Variants in ZNF821 observed in about 807,000 individuals in gnomAD.
The protein encoded by ZNF821 is zinc finger protein 821.
In ZNF821, 16 loss-of-function variants were observed where a neutral mutation model predicts 44.3. The ratio of observed to expected loss-of-function variants is 0.36; its 90% CI spans 0.24 to 0.55. The LOEUF (loss-of-function observed/expected upper bound fraction) is 0.55, where lower values mean the gene tolerates loss of function less well. ZNF821 is among the 20% of genes least tolerant of loss of function. The pLI, the probability that ZNF821 is intolerant of heterozygous loss-of-function variation, is 0.86. For synonymous variants in ZNF821, 204 were observed against 197.6 expected (o/e 1.03, Z -0.27); for missense variants, 436 against 547.6 (o/e 0.80, Z 2.03).
chr16:71,889,694 AAAC>A (rs1159364935), upstream of ZNF821, among the ~76,000 whole-genome samples: 1 of 152,022 alleles, frequency 6.6e-6, no homozygotes, highest in African/African-American at 2.4e-5. Flanking sequence ...ACAAAAAACA[AAAC>A]AACAACAAAA....
At chr16:71,875,250 C>T (rs1178805509) in intron 3 of ZNF821, among the ~76,000 whole-genome samples, 2 of 152,148 alleles carry the variant, frequency 1.3e-5, no homozygotes, top group Non-Finnish European at 2.9e-5. Context: ...ATATTCTCCT[C>T]ACCTCCATGG....
chr16:71,884,128 G>A lies in ZNF821; in HGVS notation c.-361C>T, dbSNP rs967260461. On this transcript the variant is annotated 5_prime_UTR_variant, in exon 1 of 8. Coordinates refer to ENST00000425432, the MANE Select transcript of ZNF821 (RefSeq NM_001201552.2). ...GGACAAAGCCAACAGCAGACAGACA[G>A]ACGGAGGGGGAAAAAGATGGCGACG... 2.0e-5 allele frequency: 3 copies of A among 152,178 alleles called. No homozygotes were observed. Among genetic ancestry groups the A allele is most frequent in the African/African-American group, 7.2e-5 (3 of 41,424 alleles). 9.4% of individuals were successfully genotyped at this position (152,178 alleles called of 1,614,324 possible). A position where few individuals can be genotyped will look rare whatever the true frequency, so the allele number is the denominator to read the frequency against.
intron 3 of ZNF821, among the ~76,000 whole-genome samples, chr16:71,874,895 T>C (rs915915696): frequency 1.5e-4 from 23 of 152,248 alleles, no homozygotes; most frequent in Non-Finnish European, 2.9e-5. Context: ...CCATACGCAA[T>C]GAAAAGATGA....
intron 3 of ZNF821, among the ~76,000 whole-genome samples, chr16:71,876,029 T>C (rs1312298539): frequency 6.6e-6 from 1 of 152,174 alleles, no homozygotes; most frequent in African/African-American, 2.4e-5. Context: ...TCCCCTGGCC[T>C]TACTACAATC....
At chr16:71,872,410 G>A (rs778491157) in intron 3 of ZNF821, among the ~76,000 whole-genome samples, 1 of 151,856 alleles carries the variant, frequency 6.6e-6, no homozygotes, top group East Asian at 2.0e-4. Flanking sequence ...TCAGGAGATC[G>A]AGACCATCCT....
upstream of ZNF821, among the ~76,000 whole-genome samples, chr16:71,886,280 G>A (rs897081400): frequency 3.3e-5 from 5 of 152,144 alleles, no homozygotes. Flanking sequence ...GGCACCTATA[G>A]TCCCAGCTAC....
At chr16:71,861,321 T>C (rs1597121555) in intron 7 of ZNF821, among the ~76,000 whole-genome samples, 1 of 152,180 alleles carries the variant, frequency 6.6e-6, no homozygotes, top group South Asian at 2.1e-4. Flanking sequence ...CTCCTGGAGG[T>C]GGAGACCTCC....
At chr16:71,879,034 C>T (rs911238634) in intron 3 of ZNF821, among the ~76,000 whole-genome samples, 4 of 152,070 alleles carry the variant, frequency 2.6e-5, no homozygotes, top group African/African-American at 7.2e-5. Context: ...TCTTGTGATC[C>T]ATCCCACAAA....
intron 2 of ZNF821, 196 bp downstream of exon 2, chr16:71,883,015 C>A: frequency 2.3e-6 from 1 of 431,730 alleles, no homozygotes; most frequent in South Asian, 1.6e-5. Context: ...TAAAGGGATT[C>A]CATTTTAAAA....
At chr16:71,892,573 T>A (rs1370392345) in intron 1 of ZNF821, among the ~76,000 whole-genome samples, 9 of 118,686 alleles carry the variant, frequency 7.6e-5, no homozygotes, top group African/African-American at 2.2e-4. Context: ...CGGCCAAAAT[T>A]TTTTTTTTTT....
intron 3 of ZNF821, 37 bp downstream of exon 3, chr16:71,879,870 C>T (rs1440669850): frequency 1.2e-6 from 2 of 1,603,850 alleles, no homozygotes; most frequent in African/African-American, 2.7e-5. Context: ...CACCCCTTAG[C>T]ATTCCCAGGT....
At chr16:71,872,628 A>G (rs1164158136) in intron 3 of ZNF821, among the ~76,000 whole-genome samples, 1 of 152,184 alleles carries the variant, frequency 6.6e-6, no homozygotes, top group African/African-American at 2.4e-5. Context: ...AAAGAAAAAA[A>G]AGAGAGCAGA....
chr16:71,860,372 C>G lies in ZNF821; in HGVS notation c.885G>C (p.Val295=). 1.2e-6 allele frequency: 2 copies of G among 1,611,894 alleles called. No individual in the cohort carries two copies. The highest frequency in any genetic ancestry group is 2.2e-5 in the South Asian group (2 of 91,082). ...TGGCTTCACGGTCCCTCATGCGCCT[C>G]ACCTCCCGCTCCTCGGGGGTCTCAT... ...RDNETPEERE[V]RRMRDREAKR... is the part of the protein sequence containing the mutation. Residue 295 remains valine, a synonymous_variant, in exon 8 of 8, where the codon GTG becomes GTC. Transcript: ENST00000425432. This position sits in a 1 kb window ranked among gnomAD's most constrained non-coding sequence, Gnocchi z 7.3.
At chr16:71,861,404 T>G (rs1240112940) in intron 7 of ZNF821, among the ~76,000 whole-genome samples, 1 of 152,228 alleles carries the variant, frequency 6.6e-6, no homozygotes, top group Non-Finnish European at 1.5e-5. Flanking sequence ...GACTCTGCAC[T>G]GTACACTAGA....
At chr16:71,880,066 A>G (rs1413654695) in intron 2 of ZNF821, 43 bp from the exon 3 acceptor site, 5 of 898,488 alleles carry the variant, frequency 5.6e-6, no homozygotes, top group Non-Finnish European at 8.3e-6. Flanking sequence ...CATTTTCCCC[A>G]GCAGTTACAC....
intron 1 of ZNF821, among the ~76,000 whole-genome samples, chr16:71,892,365 C>G (rs2036891547): frequency 6.7e-6 from 1 of 148,890 alleles, no homozygotes; most frequent in Non-Finnish European, 1.5e-5. Context: ...CTCCCGGGTT[C>G]ACACCATTCT....
intron 4 of ZNF821, among the ~76,000 whole-genome samples, chr16:71,865,955 TTATAAAA>T (rs2034491555): frequency 1.3e-5 from 2 of 152,166 alleles, no homozygotes; most frequent in African/African-American, 4.8e-5. Flanking sequence ...TCTCTATTAC[TTATAAAA>T]TAGAAAATGA....
At position 71,859,931 on chromosome 16, in the gene ZNF821, T is replaced by TG; in HGVS notation, c.*86dup. The TG allele has an allele frequency of 3.0e-6, 4 of 1,352,684 alleles. No individual in the cohort carries two copies. Among genetic ancestry groups the TG allele is most frequent in the Non-Finnish European group, 3.8e-6 (4 of 1,041,226 alleles). The allele number at this position is 1,352,684 out of a possible 1,614,324, so 83.8% of individuals were successfully genotyped here. A position where few individuals can be genotyped will look rare whatever the true frequency, so the allele number is the denominator to read the frequency against. On this transcript the variant is annotated 3_prime_UTR_variant, in exon 8 of 8. Coordinates refer to ENST00000425432, the MANE Select transcript of ZNF821 (RefSeq NM_001201552.2). The stretch of plus-strand genomic sequence containing the variant: ...CTCTGGCAGCAAGGACAGGGCCTCG[T>TG]GGGTGGCAGCAGCACTGGTCCTCGT...
chr16:71,862,513 G>A (rs1024195659), intron 6 of ZNF821, among the ~76,000 whole-genome samples: 2 of 152,074 alleles, frequency 1.3e-5, no homozygotes, highest in African/African-American at 2.4e-5. Context: ...ACAGTGGGGC[G>A]CCAGAGCCCT....
Sources: gnomAD v4.1 joint callset for allele counts (sites outside exome capture counted in the v4.1 genomes callset) on GRCh38, gnomAD v4.1.1 for gene constraint, Gnocchi (gnomAD v3.1) non-coding constraint, MANE v1.5 for transcripts, NCBI Gene and HGNC (gene_info 2026-07-23, HGNC 2026-07-21) for gene names.